MAPRE1: variants seen among roughly 807,000 people sequenced by gnomAD.
MAPRE1 encodes microtubule-associated protein RP/EB family member 1.
MAPRE1 carries 5 observed loss-of-function variants against 32.1 expected under a neutral mutation model. The observed-to-expected ratio is 0.16, with a 90% confidence interval of 0.08 to 0.33. MAPRE1 has a LOEUF of 0.33. Among genes scored for constraint, MAPRE1 ranks in the 10% least tolerant of loss-of-function variants. The probability of loss-of-function intolerance (pLI) is 1.00; values close to 1 mark genes in which losing one functional copy is unlikely to be tolerated. For missense variants in MAPRE1, 209 were observed against 327.2 expected (o/e 0.64, Z 2.79); for synonymous variants, 122 against 118.9 (o/e 1.03, Z -0.17).
At chr20:32,832,220 T>G (rs1481539666) in intron 2 of MAPRE1, among the ~76,000 whole-genome samples, 1 of 152,188 alleles carries the variant, frequency 6.6e-6, no homozygotes, top group East Asian at 1.9e-4. Flanking sequence ...TTCTGCAGAT[T>G]ACTTATTACT....
Position 32,839,864 on chromosome 20 carries a change from C to T in MAPRE1, c.597+8C>T. Reference sequence around the variant, plus strand: ...GCTGAGTTGATGCAGCAGGTGGGCACCCCTGTGTTTAGCACGTGAGTCACC... The same window carrying T: ...GCTGAGTTGATGCAGCAGGTGGGCATCCCTGTGTTTAGCACGTGAGTCACC... On this transcript the variant is annotated splice_region_variant and intron_variant, in intron 5 of 6. Transcript: ENST00000375571. 6.2e-7 allele frequency: 1 copy of T among 1,613,968 alleles called. No homozygotes were observed. The highest frequency in any genetic ancestry group is 8.5e-7 in the Non-Finnish European group (1 of 1,179,930).
At chr20:32,835,716 G>A (rs1461602162) in intron 3 of MAPRE1, among the ~76,000 whole-genome samples, 2 of 149,330 alleles carry the variant, frequency 1.3e-5, no homozygotes, top group African/African-American at 2.5e-5. Context: ...AGTGATTCTC[G>A]TGCCTCAGCC....
At chr20:32,838,272 C>T (rs1246804228) in intron 4 of MAPRE1, among the ~76,000 whole-genome samples, 2 of 152,130 alleles carry the variant, frequency 1.3e-5, no homozygotes, top group African/African-American at 4.8e-5. Flanking sequence ...GCTTCTTTTG[C>T]TCAGCCTGCT....
chr20:32,827,836 A>G (rs1332434707), intron 2 of MAPRE1, among the ~76,000 whole-genome samples: 1 of 151,374 alleles, frequency 6.6e-6, no homozygotes, highest in Non-Finnish European at 1.5e-5. Context: ...TGGAGGTTGC[A>G]GTGAGCCGAG....
chr20:32,833,443 A>G (rs559018783), intron 2 of MAPRE1, among the ~76,000 whole-genome samples: 13 of 152,286 alleles, frequency 8.5e-5, no homozygotes, highest in African/African-American at 2.9e-4. Context: ...CATGATGATT[A>G]CCAATAAAGA....
chr20:32,834,954 G>A (rs6058904), intron 3 of MAPRE1, among the ~76,000 whole-genome samples: 380 of 152,290 alleles, frequency 2.5e-3, no homozygotes, highest in African/African-American at 8.5e-3. Context: ...ATTTGTGAAT[G>A]TTTCAGTATC....
intron 6 of MAPRE1, among the ~76,000 whole-genome samples, chr20:32,847,911 A>G (rs1983547801): frequency 6.6e-6 from 1 of 152,154 alleles, no homozygotes; most frequent in Non-Finnish European, 1.5e-5. Context: ...TGTTGTGAAT[A>G]TTTTGGGTAA....
chr20:32,830,272 G>T (rs1241172893), intron 2 of MAPRE1, among the ~76,000 whole-genome samples: 1 of 152,148 alleles, frequency 6.6e-6, no homozygotes, highest in South Asian at 2.1e-4. Context: ...TGGCGATCTT[G>T]CTTCTGCTGC....
chr20:32,837,718 G>C (rs1220357878), intron 4 of MAPRE1, among the ~76,000 whole-genome samples: 2 of 152,190 alleles, frequency 1.3e-5, no homozygotes, highest in Middle Eastern at 6.8e-3. Context: ...AAAGTTAAAC[G>C]GTTTTTAATA....
At chr20:32,835,362 G>GTGTTT (rs1555847014) in intron 3 of MAPRE1, among the ~76,000 whole-genome samples, 1 of 61,024 alleles carries the variant, frequency 1.6e-5, no homozygotes, top group African/African-American at 1.7e-4. Flanking sequence ...GTTTTTATTG[G>GTGTTT]TGTTTTTTTT....
At chr20:32,835,079 G>A (rs558761797) in intron 3 of MAPRE1, among the ~76,000 whole-genome samples, 5 of 152,122 alleles carry the variant, frequency 3.3e-5, no homozygotes, top group Non-Finnish European at 7.3e-5. Context: ...ATAGTTAAAA[G>A]CCAGGCATGG....
intron 5 of MAPRE1, among the ~76,000 whole-genome samples, chr20:32,841,334 CAGAA>C (rs1473738214): frequency 6.6e-6 from 1 of 152,090 alleles, no homozygotes; most frequent in Non-Finnish European, 1.5e-5. Context: ...GAAGCAGTTT[CAGAA>C]AGAAATACGA....
In MAPRE1 at chr20:32,828,601, C is replaced by T. The variant is rs1333736919; in HGVS notation, c.121+2553C>T. 2.0e-5 allele frequency among the ~76,000 whole-genome samples: 3 copies of T among 152,264 alleles called. No individual in the cohort carries two copies. The South Asian group carries it at 6.2e-4, about 32-fold the overall frequency. ...GTGAACTGGGGCAGCGATACCTGGCCCACTTGTTGGCCAGTGTGAGAATCA... is the reference window on the plus strand; with the variant it reads ...GTGAACTGGGGCAGCGATACCTGGCTCACTTGTTGGCCAGTGTGAGAATCA... On this transcript the variant is annotated intron_variant, in intron 2 of 6. Coordinates refer to ENST00000375571, the MANE Select transcript of MAPRE1 (RefSeq NM_012325.3).
intron 6 of MAPRE1, among the ~76,000 whole-genome samples, chr20:32,847,561 T>G (rs1285907075): frequency 6.6e-6 from 1 of 152,218 alleles, no homozygotes; most frequent in Non-Finnish European, 1.5e-5. Context: ...GACAGATGAC[T>G]GAAAAGTTGA....
intron 5 of MAPRE1, among the ~76,000 whole-genome samples, chr20:32,842,797 G>A (rs1270472129): frequency 1.3e-5 from 2 of 152,354 alleles, no homozygotes; most frequent in South Asian, 2.1e-4. Context: ...AGTCCCAGAT[G>A]AGGGTTACGG....
chr20:32,834,161 G>A (rs1264022180), intron 3 of MAPRE1, among the ~76,000 whole-genome samples: 1 of 152,058 alleles, frequency 6.6e-6, no homozygotes, highest in African/African-American at 2.4e-5. Context: ...TAGTAGTCTG[G>A]AATCTAACTC....
chr20:32,828,398 G>A (rs1006678518), intron 2 of MAPRE1, among the ~76,000 whole-genome samples: 1 of 152,142 alleles, frequency 6.6e-6, no homozygotes, highest in African/African-American at 2.4e-5. Flanking sequence ...ATTTCACTTA[G>A]TTAATTGGAA....
At chr20:32,830,617 C>CTAAGT (rs1982989264) in intron 2 of MAPRE1, among the ~76,000 whole-genome samples, 1 of 151,440 alleles carries the variant, frequency 6.6e-6, no homozygotes, top group South Asian at 2.1e-4. Context: ...TGACTGAACA[C>CTAAGT]TAAGTTCCCT....
intron 5 of MAPRE1, among the ~76,000 whole-genome samples, chr20:32,845,017 ATGTATGTATGT>A (rs1983468109): frequency 1.3e-5 from 2 of 151,630 alleles, no homozygotes; most frequent in Non-Finnish European, 2.9e-5. Context: ...GTATGTATGT[ATGTATGTATGT>A]ATGTATGAAT....
Sources: allele counts gnomAD v4.1 joint callset (sites outside exome capture counted in the v4.1 genomes callset), GRCh38; gene constraint gnomAD v4.1.1; transcripts MANE v1.5; gene names NCBI Gene and HGNC (gene_info 2026-07-23, HGNC 2026-07-21).